PDE10A: variants seen among roughly 807,000 people sequenced by gnomAD.
The protein encoded by PDE10A is phosphodiesterase 10A.
Under a neutral mutation model 97.7 loss-of-function variants are expected in PDE10A, and 39 were observed. That is an observed-to-expected ratio of 0.40 (90% CI 0.31 to 0.52). The LOEUF is 0.52. Ranked by LOEUF, PDE10A falls within the 20% of genes least tolerant of loss-of-function variation. The pLI is 0.56. For missense variants in PDE10A, 731 were observed against 1,047.8 expected (o/e 0.70, Z 4.17); for synonymous variants, 371 against 376.8 (o/e 0.98, Z 0.18).
chr6:165,746,912 T>C (rs1792856362), intron 1 of PDE10A, among the ~76,000 whole-genome samples: 2 of 152,380 alleles, frequency 1.3e-5, no homozygotes, highest in South Asian at 2.1e-4. Context: ...GATTTTGGGA[T>C]ATTAATATAT....
chr6:165,333,609 G>C (rs910858800), intron 21 of PDE10A, among the ~76,000 whole-genome samples: 1 of 152,098 alleles, frequency 6.6e-6, no homozygotes, highest in African/African-American at 2.4e-5. Flanking sequence ...ACAGTGTGTC[G>C]TATGTACAAA....
intron 2 of PDE10A, among the ~76,000 whole-genome samples, chr6:165,496,631 C>T (rs1002838706): frequency 1.3e-5 from 2 of 152,168 alleles, no homozygotes; most frequent in Non-Finnish European, 2.9e-5. Context: ...AACTTCTTAA[C>T]TAAATATAAA....
intron 1 of PDE10A, among the ~76,000 whole-genome samples, chr6:165,745,130 A>G (rs1484466412): frequency 6.6e-6 from 1 of 152,198 alleles, no homozygotes; most frequent in African/African-American, 2.4e-5. Flanking sequence ...TTTACAAATT[A>G]TGGCTTCAAG....
chr6:165,336,007 A>T lies in PDE10A; in HGVS notation c.3065+116T>A, dbSNP rs546628083. 3.7e-5 allele frequency: 31 copies of T among 840,168 alleles called. No homozygotes were observed. In the Middle Eastern group the frequency reaches 1.1e-3, roughly 29 times the overall value. 52.0% of individuals were successfully genotyped at this position (840,168 alleles called of 1,614,324 possible). Reference sequence around the variant, plus strand: ...GAGGCCCCGAGTCCCTGAGCACAACAACTCGACATCTAGACAAACACACAG... The same window carrying T: ...GAGGCCCCGAGTCCCTGAGCACAACTACTCGACATCTAGACAAACACACAG... On this transcript the variant is annotated intron_variant, in intron 21 of 21. Transcript: ENST00000539869.
intron 1 of PDE10A, among the ~76,000 whole-genome samples, chr6:165,955,852 C>T (rs1192992175): frequency 6.6e-6 from 1 of 152,146 alleles, no homozygotes; most frequent in Non-Finnish European, 1.5e-5. Flanking sequence ...AACATAACTA[C>T]CAAAGGTAAA....
chr6:165,634,144 C>A lies in PDE10A; in HGVS notation c.865+27803G>T, dbSNP rs544263927. On this transcript the variant is annotated intron_variant, in intron 1 of 21. Coordinates refer to ENST00000539869, the MANE Select transcript of PDE10A (RefSeq NM_001385079.1). ...GTCTGGGGTAGGGCCCAGGAATTTG[C>A]GTTTTTAGTATAATTTCAGGCCATG... Among the ~76,000 whole-genome samples the A allele has an allele frequency of 1.4e-4, 22 of 152,184 alleles. No homozygotes were observed. The South Asian group carries it at 2.9e-3, about 20-fold the overall frequency.
Position 165,755,940 on chromosome 6 carries a change from G to A in PDE10A, c.-614-212372C>T, listed in dbSNP as rs763014549. Among the ~76,000 whole-genome samples, 33 of 152,246 alleles carry A rather than the reference G, an allele frequency of 2.2e-4. No individual in the cohort carries two copies. The East Asian group carries it at 2.7e-3, about 12-fold the overall frequency. On this transcript the variant is annotated intron_variant, in intron 1 of 19. Coordinates refer to the PDE10A transcript ENST00000366882. ...GCCTCTTCCTCCCTCCTGGAAGGCC[G>A]ATTTTCCAATGCATGAACTCCTGTC...
At chr6:165,360,403 G>T (rs1425899006) in intron 18 of PDE10A, among the ~76,000 whole-genome samples, 1 of 152,158 alleles carries the variant, frequency 6.6e-6, no homozygotes, top group East Asian at 1.9e-4. Flanking sequence ...CCACTGCCCT[G>T]TCCCAGAGTC....
intron 18 of PDE10A, among the ~76,000 whole-genome samples, chr6:165,374,776 T>C (rs1784510117): frequency 6.8e-6 from 1 of 147,414 alleles, no homozygotes; most frequent in African/African-American, 2.5e-5. Context: ...TTTTTACAAA[T>C]TGAAGTTTTG....
In PDE10A at chr6:165,343,534, T is replaced by A. The variant is rs776808368; in HGVS notation, c.2784-32A>T. 14 of 1,448,824 alleles carry A rather than the reference T, an allele frequency of 9.7e-6. No homozygotes were observed. The East Asian group carries it at 3.2e-4, about 33-fold the overall frequency. The allele number at this position is 1,448,824 out of a possible 1,614,324, so 89.7% of individuals were successfully genotyped here. On this transcript the variant is annotated intron_variant, in intron 18 of 21. Transcript: ENST00000539869. ...CACAACAATATAAGACTGGTCAGCA[T>A]AGCATTTGCACATTTATAGTAAGGA...
intron 1 of PDE10A, among the ~76,000 whole-genome samples, chr6:165,551,421 T>A (rs1007759539): frequency 1.1e-4 from 16 of 152,212 alleles, no homozygotes; most frequent in African/African-American, 3.9e-4. Flanking sequence ...TAAGATACTA[T>A]GTTATACACG....
At chr6:165,690,026 A>T (rs1488711033) in intron 1 of PDE10A, among the ~76,000 whole-genome samples, 2 of 152,104 alleles carry the variant, frequency 1.3e-5, no homozygotes, top group East Asian at 3.9e-4. Context: ...TTTATGATTT[A>T]CTTGCTGGGC....
At chr6:165,613,734 T>C (rs980881659) in intron 1 of PDE10A, among the ~76,000 whole-genome samples, 3 of 152,206 alleles carry the variant, frequency 2.0e-5, no homozygotes, top group African/African-American at 7.2e-5. Flanking sequence ...CTCTTCTGAA[T>C]AGCAATATAA....
chr6:165,377,710 A>G (rs1025160172), intron 18 of PDE10A, among the ~76,000 whole-genome samples: 1 of 152,152 alleles, frequency 6.6e-6, no homozygotes, highest in African/African-American at 2.4e-5. Context: ...TGAAGGCTCT[A>G]TTTCCCTGAT....
At chr6:165,406,227 G>GGTGTGTGTGTGTGTGTGTGTGTGT (rs1562431357) in intron 13 of PDE10A, among the ~76,000 whole-genome samples, 1 of 30,454 alleles carries the variant, frequency 3.3e-5, no homozygotes, top group Non-Finnish European at 7.3e-5. Flanking sequence ...GAGGGAAAAG[G>GGTGTGTGTGTGTGTGTGTGTGTGT]ATGTGTGTGT....
chr6:165,480,270 A>C (rs1511748), intron 3 of PDE10A, among the ~76,000 whole-genome samples: 12,590 of 152,238 alleles, frequency 0.083, 656 homozygotes, highest in East Asian at 0.25. Context: ...CTTGGTTCTA[A>C]ATGAGAAAGT....
At chr6:165,823,711 C>T (rs996122823) in intron 1 of PDE10A, among the ~76,000 whole-genome samples, 1 of 150,122 alleles carries the variant, frequency 6.7e-6, no homozygotes, top group Non-Finnish European at 1.5e-5. Context: ...GTGCTGGCAT[C>T]ACAGTTGGTT....
intron 1 of PDE10A, among the ~76,000 whole-genome samples, chr6:165,801,134 G>T (rs1027796418): frequency 6.6e-6 from 1 of 152,202 alleles, no homozygotes; most frequent in African/African-American, 2.4e-5. Flanking sequence ...CAGCGAACTT[G>T]TCCATGTCAG....
Position 165,726,580 on chromosome 6 carries a change from C to G in PDE10A, c.-614-183012G>C, listed in dbSNP as rs984823038. ...AGGAGAGCCACGATGCCCGCTCCCC[C>G]CGGTGGTCCACACCTCCTGACAGGC... On this transcript the variant is annotated intron_variant, in intron 1 of 19. Coordinates refer to the PDE10A transcript ENST00000366882. Among the ~76,000 whole-genome samples the G allele has an allele frequency of 5.3e-5, 8 of 150,446 alleles. No homozygotes were observed. The South Asian group carries it at 1.0e-3, about 20-fold the overall frequency.
Sources: allele counts gnomAD v4.1 joint callset (sites outside exome capture counted in the v4.1 genomes callset), GRCh38; gene constraint gnomAD v4.1.1; transcripts MANE v1.5; gene names NCBI Gene and HGNC (gene_info 2026-07-23, HGNC 2026-07-21).